The following LOC128462377 variants were observed in gnomAD, a reference collection of about 807,000 sequenced individuals.
the LOC128462377 span, among the ~76,000 whole-genome samples, chr16:89,371,874 T>C: frequency 2.0e-5 from 3 of 152,320 alleles, no homozygotes; most frequent in African/African-American, 4.8e-5. Flanking sequence ...GAGGTAGACC[T>C]GGTGACCGTG....
the LOC128462377 span, among the ~76,000 whole-genome samples, chr16:89,341,901 C>CGAACAGCGG: frequency 7.5e-6 from 1 of 133,204 alleles, no homozygotes; most frequent in African/African-American, 3.6e-5. Flanking sequence ...TGCACCTCCA[C>CGAACAGCGG]CCACAGCGGC....
At chr16:89,364,202 T>G in the LOC128462377 span, among the ~76,000 whole-genome samples, 2 of 152,230 alleles carry the variant, frequency 1.3e-5, no homozygotes, top group Non-Finnish European at 2.9e-5. Flanking sequence ...CACTTCCACC[T>G]GTGCCCTCAG....
the LOC128462377 span, among the ~76,000 whole-genome samples, chr16:89,379,340 T>C: frequency 1.3e-5 from 2 of 152,238 alleles, no homozygotes; most frequent in African/African-American, 4.8e-5. Context: ...TAATTTTAAA[T>C]GGCTCAAATC....
At chr16:89,356,419 G>C in the LOC128462377 span, among the ~76,000 whole-genome samples, 13 of 151,966 alleles carry the variant, frequency 8.6e-5, no homozygotes, top group East Asian at 2.5e-3. Flanking sequence ...GGAGCAGCTG[G>C]ACACATTCAG....
the LOC128462377 span, among the ~76,000 whole-genome samples, chr16:89,404,276 A>G: frequency 6.6e-6 from 1 of 152,200 alleles, no homozygotes; most frequent in Non-Finnish European, 1.5e-5. Flanking sequence ...CCAAGGCACT[A>G]AATCACCAGC....
At chr16:89,387,488 C>A in the LOC128462377 span, among the ~76,000 whole-genome samples, 2 of 151,388 alleles carry the variant, frequency 1.3e-5, no homozygotes, top group Non-Finnish European at 2.9e-5. Flanking sequence ...CCGGCTAACA[C>A]AGTGAAACCC....
the LOC128462377 span, among the ~76,000 whole-genome samples, chr16:89,334,449 T>A: frequency 6.6e-6 from 1 of 152,046 alleles, no homozygotes; most frequent in Non-Finnish European, 1.5e-5. Context: ...AGTCCTCTCT[T>A]CCTCCACTGC....
At chr16:89,326,993 G>T in the LOC128462377 span, among the ~76,000 whole-genome samples, 1 of 151,786 alleles carries the variant, frequency 6.6e-6, no homozygotes, top group Non-Finnish European at 1.5e-5. Flanking sequence ...ATGCAGAGGT[G>T]GGGAATGCAG....
At chr16:89,379,094 G>T in the LOC128462377 span, among the ~76,000 whole-genome samples, 14 of 152,366 alleles carry the variant, frequency 9.2e-5, no homozygotes, top group South Asian at 2.7e-3. Context: ...CGTCGGCAGT[G>T]CGGACCAGCC....
chr16:89,413,331 G>A, the LOC128462377 span, among the ~76,000 whole-genome samples: 1 of 152,086 alleles, frequency 6.6e-6, no homozygotes, highest in East Asian at 1.9e-4. Context: ...AACTTATGTT[G>A]AAAATGGAAG....
the LOC128462377 span, chr16:89,324,264 C>T: frequency 1.6e-6 from 2 of 1,234,288 alleles, no homozygotes; most frequent in Non-Finnish European, 2.1e-6. Context: ...GGCTGTGGAA[C>T]ATACAGGAGC....
At chr16:89,410,577 T>C in the LOC128462377 span, among the ~76,000 whole-genome samples, 1 of 152,208 alleles carries the variant, frequency 6.6e-6, no homozygotes, top group Admixed American at 6.5e-5. Flanking sequence ...GCTCTGGTTC[T>C]GCCCTCCAGA....
chr16:89,375,331 G>A, the LOC128462377 span, among the ~76,000 whole-genome samples: 7 of 152,230 alleles, frequency 4.6e-5, no homozygotes, highest in African/African-American at 1.7e-4. Flanking sequence ...GCATGGGCCT[G>A]GAGTCCCAGC....
chr16:89,382,988 G>A, the LOC128462377 span, among the ~76,000 whole-genome samples: 5 of 152,198 alleles, frequency 3.3e-5, no homozygotes, highest in Admixed American at 1.3e-4. Flanking sequence ...TTACAGGCGT[G>A]AGCCACCGTG....
the LOC128462377 span, among the ~76,000 whole-genome samples, chr16:89,406,917 G>A: frequency 8.4e-4 from 128 of 152,300 alleles, 2 homozygotes; most frequent in South Asian, 0.023. Flanking sequence ...GGTGGCTCAC[G>A]CCCATAATCC....
the LOC128462377 span, among the ~76,000 whole-genome samples, chr16:89,347,782 A>T: frequency 7.6e-4 from 115 of 151,264 alleles, 1 homozygote; most frequent in Admixed American, 1.6e-3. Context: ...CTCCAACATT[A>T]GGCATCTCCA....
At chr16:89,405,964 A>T in the LOC128462377 span, among the ~76,000 whole-genome samples, 1 of 151,870 alleles carries the variant, frequency 6.6e-6, no homozygotes, top group Non-Finnish European at 1.5e-5. Context: ...ACAAAAACTT[A>T]CCGGGCGTGG....
At chr16:89,345,010 G>T in the LOC128462377 span, among the ~76,000 whole-genome samples, 1 of 152,220 alleles carries the variant, frequency 6.6e-6, no homozygotes, top group African/African-American at 2.4e-5. Flanking sequence ...AGGCGCAGAT[G>T]AGGCAGGAGG....
chr16:89,321,768 C>A, the LOC128462377 span, among the ~76,000 whole-genome samples: 2 of 152,246 alleles, frequency 1.3e-5, no homozygotes, highest in African/African-American at 4.8e-5. Flanking sequence ...GTAAGCAGAG[C>A]TGACCATGAA....
Sources: gnomAD v4.1 joint callset for allele counts (sites outside exome capture counted in the v4.1 genomes callset) on GRCh38, gnomAD v4.1.1 for gene constraint, MANE v1.5 for transcripts.